The following ACAP2 variants were observed in gnomAD, a reference collection of about 807,000 sequenced individuals.
ACAP2 encodes the protein ArfGAP with coiled-coil, ankyrin repeat and PH domains 2.
Under a neutral mutation model 115.8 loss-of-function variants are expected in ACAP2, and 39 were observed. The ratio of observed to expected loss-of-function variants is 0.34; its 90% CI spans 0.26 to 0.44. The LOEUF (loss-of-function observed/expected upper bound fraction) is 0.44. Among genes scored for constraint, ACAP2 ranks in the 20% least tolerant of loss-of-function variants. The pLI, the probability that ACAP2 is intolerant of heterozygous loss-of-function variation, is 1.00. For missense variants in ACAP2, 662 were observed against 927.6 expected (o/e 0.71, Z 3.72); for synonymous variants, 289 against 315.8 (o/e 0.92, Z 0.90).
chr3:195,287,731 C>CCA (rs1726938774), intron 21 of ACAP2, among the ~76,000 whole-genome samples: 1 of 152,182 alleles, frequency 6.6e-6, no homozygotes, highest in Non-Finnish European at 1.5e-5. Flanking sequence ...AGAGAATCCT[C>CCA]TAATTCTCGA....
At position 195,302,089 on chromosome 3, in the gene ACAP2, G is replaced by A. The variant is rs773516430; in HGVS notation, c.1202C>T (p.Ala401Val). 2.5e-6 allele frequency: 4 copies of A among 1,613,940 alleles called. No individual in the cohort carries two copies. Among genetic ancestry groups the A allele is most frequent in the Non-Finnish European group, 2.5e-6 (3 of 1,180,030 alleles). Residue 401 changes from alanine to valine, a missense_variant, in exon 14 of 23, where the codon GCG becomes GTG. Coordinates refer to ENST00000326793, the MANE Select transcript of ACAP2 (RefSeq NM_012287.6). ...AGGGATACACTGGACCCGCTGAAGC[G>A]CACTTTCTCCTTTCAATAATTTCTC... Reference protein sequence around the residue: ...SKEKLLKGESALQRVQCIPGN... With the variant: ...SKEKLLKGESVLQRVQCIPGN...
At chr3:195,385,245 TCAA>T (rs1734219497) in intron 2 of ACAP2, among the ~76,000 whole-genome samples, 1 of 126,560 alleles carries the variant, frequency 7.9e-6, no homozygotes. Flanking sequence ...ATCTCTGTAT[TCAA>T]AAAAAAAAAA....
rs1415073588 is a variant in ACAP2 at position 195,407,505 on chromosome 3, G to A, written c.54-15358C>T. On this transcript the variant is annotated intron_variant, in intron 1 of 22. Coordinates refer to ENST00000326793, the MANE Select transcript of ACAP2 (RefSeq NM_012287.6). ...GCAGATCACTTAAGCTCAGAAGTTT[G>A]AGACAAGCCTGGGCAACATGACAGA... Among the ~76,000 whole-genome samples, 3 of 152,254 alleles carry A rather than the reference G, an allele frequency of 2.0e-5. No homozygotes were observed. In the East Asian group the frequency reaches 5.8e-4, roughly 29 times the overall value.
intron 2 of ACAP2, among the ~76,000 whole-genome samples, chr3:195,386,202 A>G (rs988863303): frequency 1.3e-5 from 2 of 152,162 alleles, no homozygotes; most frequent in African/African-American, 4.8e-5. Flanking sequence ...CAGGGACAGA[A>G]AGTAGATTAG....
chr3:195,385,111 G>C (rs948343909), intron 2 of ACAP2, among the ~76,000 whole-genome samples: 7 of 151,834 alleles, frequency 4.6e-5, no homozygotes, highest in Non-Finnish European at 8.8e-5. Context: ...AAAAGACTAA[G>C]GGAATGCACA....
rs192237707 is a variant in ACAP2 at position 195,301,050 on chromosome 3, A to C, written c.1395+525T>G. ...AAGAACAGTGAACTAACCTGGAGTT[A>C]AGAGTGCTATATATAAATATAGCCT... On this transcript the variant is annotated intron_variant, in intron 15 of 22. Coordinates refer to ENST00000326793, the MANE Select transcript of ACAP2 (RefSeq NM_012287.6). Among the ~76,000 whole-genome samples, 8 of 152,292 alleles carry C rather than the reference A, an allele frequency of 5.3e-5. No homozygotes were observed. The East Asian group carries it at 1.4e-3, about 26-fold the overall frequency.
At chr3:195,386,501 ATGAAGCTG>A (rs1284871814) in intron 2 of ACAP2, among the ~76,000 whole-genome samples, 1 of 152,200 alleles carries the variant, frequency 6.6e-6, no homozygotes, top group East Asian at 1.9e-4. Context: ...AGAGACATGG[ATGAAGCTG>A]GAAACCATCA....
chr3:195,372,987 C>CAAAAAAAAAAAAAAAAAAA lies in ACAP2; in HGVS notation c.285+8003_285+8021dup, dbSNP rs869134113. 9.0e-4 allele frequency among the ~76,000 whole-genome samples: 16 copies of CAAAAAAAAAAAAAAAAAAA among 17,764 alleles called. 1 individual carries two copies. Among genetic ancestry groups the CAAAAAAAAAAAAAAAAAAA allele is most frequent in the Admixed American group, 2.5e-3 (5 of 1,962 alleles). The allele number at this position is 17,764 out of a possible 152,430, so 11.7% of individuals were successfully genotyped here. A position where few individuals can be genotyped will look rare whatever the true frequency, so the allele number is the denominator to read the frequency against. On this transcript the variant is annotated intron_variant, in intron 4 of 22. Transcript: ENST00000326793. ...TGGGCGACAGAGCGAGACTCCATCT[C>CAAAAAAAAAAAAAAAAAAA]AAAAAAAAAAAAAAAAAAAAAAAAA...
At chr3:195,317,962 C>CA (rs1208565559) in intron 10 of ACAP2, among the ~76,000 whole-genome samples, 2 of 152,184 alleles carry the variant, frequency 1.3e-5, no homozygotes, top group Non-Finnish European at 2.9e-5. Context: ...GTAATCCCCA[C>CA]ATGCCATGGG....
chr3:195,435,235 C>G (rs903789174), intron 1 of ACAP2, among the ~76,000 whole-genome samples: 26 of 151,642 alleles, frequency 1.7e-4, no homozygotes, highest in Non-Finnish European at 3.5e-4. Context: ...AGTGCAGTGG[C>G]GTACTCTTGG....
chr3:195,283,237 CCATGTCTCCTAAGGG>C (rs1230012217), intron 22 of ACAP2, among the ~76,000 whole-genome samples: 2 of 152,136 alleles, frequency 1.3e-5, no homozygotes, highest in Non-Finnish European at 2.9e-5. Flanking sequence ...CCTCACCCAC[CCATGTCTCCTAAGGG>C]CTACTGGGAC....
At chr3:195,332,200 A>G (rs1302029160) in intron 8 of ACAP2, among the ~76,000 whole-genome samples, 1 of 152,084 alleles carries the variant, frequency 6.6e-6, no homozygotes, top group Non-Finnish European at 1.5e-5. Context: ...GCATGAAATG[A>G]AAAAGTTCCC....
intron 8 of ACAP2, among the ~76,000 whole-genome samples, chr3:195,328,200 G>A (rs1729925636): frequency 6.6e-6 from 1 of 151,964 alleles, no homozygotes; most frequent in Non-Finnish European, 1.5e-5. Context: ...ACACATGTTC[G>A]ATAAGTGAAT....
intron 1 of ACAP2, among the ~76,000 whole-genome samples, chr3:195,437,885 CTTTTTTTTTTTT>C: frequency 1.1e-5 from 1 of 90,748 alleles, no homozygotes; most frequent in East Asian, 3.8e-4. Flanking sequence ...ACTTTACATG[CTTTTTTTTTTTT>C]TTTTTTTTCA....
chr3:195,410,357 TG>T (rs1460778612), intron 1 of ACAP2, among the ~76,000 whole-genome samples: 4 of 152,200 alleles, frequency 2.6e-5, no homozygotes, highest in Non-Finnish European at 5.9e-5. Flanking sequence ...ACACTGAATT[TG>T]GTAATTTCTT....
intron 1 of ACAP2, among the ~76,000 whole-genome samples, chr3:195,441,101 G>C (rs916093220): frequency 1.3e-5 from 2 of 148,778 alleles, no homozygotes; most frequent in East Asian, 2.0e-4. Flanking sequence ...CCAGTAGCTA[G>C]AAGTATTTCC....
At chr3:195,364,976 C>T (rs1167952267) in intron 4 of ACAP2, among the ~76,000 whole-genome samples, 2 of 152,166 alleles carry the variant, frequency 1.3e-5, no homozygotes, top group Non-Finnish European at 2.9e-5. Context: ...TCATCTGCAA[C>T]AACATGGACG....
In ACAP2 at chr3:195,378,352, C is replaced by T. The variant is rs555267152; in HGVS notation, c.285+2657G>A. ...CTAAAAATACAAAAAATTAGCTGGG[C>T]GTGGTGGCACGTCCCTATAGTCCCA... On this transcript the variant is annotated intron_variant, in intron 4 of 22. Transcript: ENST00000326793. Among the ~76,000 whole-genome samples the T allele has an allele frequency of 2.1e-3, 322 of 152,060 alleles. 2 individuals are homozygous for T. Among genetic ancestry groups the T allele is most frequent in the Non-Finnish European group, 3.3e-3 (225 of 67,978 alleles).
intron 6 of ACAP2, among the ~76,000 whole-genome samples, chr3:195,337,446 CTTTTTTTTTTT>C (rs11411412): frequency 7.6e-6 from 1 of 131,552 alleles, no homozygotes; most frequent in African/African-American, 2.9e-5. Flanking sequence ...AACCAGTCAT[CTTTTTTTTTTT>C]TTTTTTTTGA....
Sources: allele counts gnomAD v4.1 joint callset (sites outside exome capture counted in the v4.1 genomes callset), GRCh38; gene constraint gnomAD v4.1.1; transcripts MANE v1.5; gene names NCBI Gene and HGNC (gene_info 2026-07-23, HGNC 2026-07-21).